The following MEGF10 variants were observed in gnomAD, a reference collection of about 807,000 sequenced individuals.
MEGF10 encodes multiple epidermal growth factor-like domains protein 10.
In MEGF10, 86 loss-of-function variants were observed where a neutral mutation model predicts 147.5. The ratio of observed to expected loss-of-function variants is 0.58; its 90% CI spans 0.49 to 0.70. The LOEUF (loss-of-function observed/expected upper bound fraction) is 0.70. Ranked by LOEUF, MEGF10 falls within the 30% of genes least tolerant of loss-of-function variation. The pLI is 0.00. For synonymous variants in MEGF10, 478 were observed against 525.5 expected (o/e 0.91, Z 1.24); for missense variants, 1,329 against 1,487.3 (o/e 0.89, Z 1.75).
the MEGF10 span, among the ~76,000 whole-genome samples, chr5:127,266,306 C>G: frequency 1.2e-4 from 18 of 152,024 alleles, no homozygotes; most frequent in East Asian, 3.5e-3. Context: ...CAGTACCATG[C>G]TGTTTTGGTT....
intron 12 of MEGF10, 98 bp from the exon 13 acceptor site, chr5:127,422,572 G>A: frequency 1.2e-6 from 1 of 864,476 alleles, no homozygotes; most frequent in East Asian, 2.5e-5. Flanking sequence ...TGGGACAGCA[G>A]GGTACTGTAT....
chr5:127,233,874 C>T, the MEGF10 span, among the ~76,000 whole-genome samples: 2 of 152,126 alleles, frequency 1.3e-5, no homozygotes, highest in East Asian at 1.9e-4. Context: ...CCTGTTGCAT[C>T]TAGGTGGGAA....
intron 9 of MEGF10, among the ~76,000 whole-genome samples, chr5:127,413,198 C>T (rs1321111275): frequency 1.3e-5 from 2 of 152,150 alleles, no homozygotes; most frequent in Non-Finnish European, 2.9e-5. Flanking sequence ...GTATTTCAAA[C>T]TTTAGCAGTA....
chr5:127,294,435 T>C (rs1759403182), intron 1 of MEGF10, among the ~76,000 whole-genome samples: 1 of 152,144 alleles, frequency 6.6e-6, no homozygotes, highest in African/African-American at 2.4e-5. Context: ...CAGTATTGTA[T>C]ACATATGGAG....
At chr5:127,389,949 A>T (rs173509) in intron 5 of MEGF10, among the ~76,000 whole-genome samples, 26,303 of 152,062 alleles carry the variant, frequency 0.17, 2,461 homozygotes, top group African/African-American at 0.25. Flanking sequence ...AGCATAAAGC[A>T]CTGAACCTGG....
At chr5:127,428,315 G>T (rs951493082) in intron 13 of MEGF10, among the ~76,000 whole-genome samples, 3 of 151,942 alleles carry the variant, frequency 2.0e-5, no homozygotes, top group African/African-American at 7.3e-5. Flanking sequence ...ACAACCATTT[G>T]TTGAGTGTCT....
intron 13 of MEGF10, among the ~76,000 whole-genome samples, chr5:127,432,196 G>T (rs1440166883): frequency 1.3e-5 from 2 of 152,004 alleles, no homozygotes; most frequent in African/African-American, 4.8e-5. Context: ...ACTTTCAGAA[G>T]GAAAAAAACA....
rs1310691150 is a variant in MEGF10 at position 127,434,678 on chromosome 5, T to C, written c.1841-9T>C. On this transcript the variant is annotated splice_polypyrimidine_tract_variant and intron_variant, in intron 14 of 24. Transcript: ENST00000503335. The stretch of plus-strand genomic sequence containing the variant: ...GAAGGATAACTGCTGATTTCCCTTC[T>C]GTTTTCAGTCTGCTCCCCTGGTTTT... 1 of 1,604,290 alleles carries C rather than the reference T, an allele frequency of 6.2e-7. No individual in the cohort carries two copies. The highest frequency in any genetic ancestry group is 1.1e-5 in the South Asian group (1 of 89,800).
chr5:127,388,432 A>G (rs1369313464), intron 5 of MEGF10, among the ~76,000 whole-genome samples: 1 of 152,124 alleles, frequency 6.6e-6, no homozygotes, highest in Non-Finnish European at 1.5e-5. Context: ...TACAAGCGTA[A>G]GCCACCATGC....
At chr5:127,273,983 T>C in the MEGF10 span, among the ~76,000 whole-genome samples, 1 of 152,228 alleles carries the variant, frequency 6.6e-6, no homozygotes, top group South Asian at 2.1e-4. Context: ...GTGACCTTAA[T>C]GAACAGCATA....
chr5:127,374,282 T>C lies in MEGF10; in HGVS notation c.412+4280T>C, dbSNP rs142964429. Among the ~76,000 whole-genome samples the C allele has an allele frequency of 9.1e-4, 139 of 152,338 alleles. 1 individual carries two copies. The highest frequency in any genetic ancestry group is 3.2e-3 in the African/African-American group (135 of 41,574). ...TGCTCTGAGTGCACTGGAAGTAGAA[T>C]GGAAAAACTCCTTTTGCAATGTCTC... is the stretch of plus-strand genomic sequence containing the variant. On this transcript the variant is annotated intron_variant, in intron 5 of 24. Transcript: ENST00000503335.
intron 16 of MEGF10, among the ~76,000 whole-genome samples, chr5:127,436,212 T>C (rs1765549192): frequency 1.3e-5 from 2 of 152,168 alleles, no homozygotes; most frequent in Admixed American, 1.3e-4. Flanking sequence ...ATAAGAGAAA[T>C]CAAAGAATGA....
chr5:127,434,092 T>G (rs1056250029), intron 14 of MEGF10, among the ~76,000 whole-genome samples: 2 of 152,242 alleles, frequency 1.3e-5, no homozygotes, highest in African/African-American at 4.8e-5. Context: ...CTATTCTAAT[T>G]TTTTAAATTG....
At chr5:127,413,309 T>C (rs567718704) in intron 9 of MEGF10, among the ~76,000 whole-genome samples, 2 of 152,330 alleles carry the variant, frequency 1.3e-5, no homozygotes, top group African/African-American at 4.8e-5. Context: ...ATTTGAGATT[T>C]AATAATATTC....
At chr5:127,268,114 GT>G in the MEGF10 span, among the ~76,000 whole-genome samples, 1 of 152,122 alleles carries the variant, frequency 6.6e-6, no homozygotes, top group Non-Finnish European at 1.5e-5. Flanking sequence ...ATTCTGGTAT[GT>G]TGTGTCTTTG....
chr5:127,425,183 G>A (rs1023249259), intron 13 of MEGF10, among the ~76,000 whole-genome samples: 9 of 152,218 alleles, frequency 5.9e-5, no homozygotes, highest in Non-Finnish European at 1.0e-4. Flanking sequence ...CGGAAAATGT[G>A]TTAGTTGCAT....
the MEGF10 span, among the ~76,000 whole-genome samples, chr5:127,265,554 T>A: frequency 1.3e-5 from 2 of 152,276 alleles, no homozygotes; most frequent in East Asian, 3.9e-4. Context: ...AAAGTGTTCC[T>A]ATTTCTCCAC....
Position 127,369,922 on chromosome 5 carries a change from A to T in MEGF10, c.332A>T (p.Asp111Val). ...TTCTCTCTGACAGCCCACTGTGCTG[A>T]TAAATGTGTCCATGGTCGCTGTATT... is the stretch of plus-strand genomic sequence containing the variant. The part of the protein sequence containing the change: ...SGEMCVPHCA[D>V]KCVHGRCIAP... The change falls in exon 5 of 25, where the codon GAT becomes GTT. Residue 111 changes from aspartate to valine, a missense_variant. By Grantham distance (152) the Asp-to-Val change is radical. This residue lies in a region of MEGF10 where 980 missense variants were observed against 1,085.9 expected (regional missense o/e 0.90). Transcript: ENST00000503335. 1 of 1,609,666 alleles carries T rather than the reference A, an allele frequency of 6.2e-7. No individual in the cohort carries two copies. The highest frequency in any genetic ancestry group is 8.5e-7 in the Non-Finnish European group (1 of 1,177,442).
At chr5:127,365,007 C>G (rs1379967686) in intron 4 of MEGF10, among the ~76,000 whole-genome samples, 1 of 152,246 alleles carries the variant, frequency 6.6e-6, no homozygotes, top group East Asian at 1.9e-4. Context: ...AGGAATGATG[C>G]TCAGTAAAGG....
Sources: gnomAD v4.1 joint callset for allele counts (sites outside exome capture counted in the v4.1 genomes callset) on GRCh38, gnomAD v4.1.1 for gene constraint, gnomAD v4.1.1 regional missense constraint, MANE v1.5 for transcripts, NCBI Gene and HGNC (gene_info 2026-07-23, HGNC 2026-07-21) for gene names.